The following ITGAE variants were observed in gnomAD, a reference collection of about 807,000 sequenced individuals.
The protein encoded by ITGAE is integrin alpha-E.
In ITGAE, 99 loss-of-function variants were observed where a neutral mutation model predicts 136.5. That is an observed-to-expected ratio of 0.73 (90% CI 0.62 to 0.86). The LOEUF is 0.86. Ranked by LOEUF, ITGAE falls within the 40% of genes least tolerant of loss-of-function variation. The pLI is 0.00. For missense variants in ITGAE, 1,447 were observed against 1,515.3 expected, an observed-to-expected ratio of 0.95 and a Z score of 0.75; for synonymous variants, 613 against 591.8, an observed-to-expected ratio of 1.04 and a Z score of -0.52.
intron 21 of ITGAE, among the ~76,000 whole-genome samples, chr17:3,733,531 G>A (rs183828863): frequency 1.3e-5 from 2 of 151,776 alleles, no homozygotes; most frequent in Non-Finnish European, 2.9e-5. Context: ...AGTGATTCTC[G>A]TGCCTCAGCC....
chr17:3,789,578 G>A (rs1428868262), intron 1 of ITGAE, among the ~76,000 whole-genome samples: 2 of 150,658 alleles, frequency 1.3e-5, no homozygotes, highest in African/African-American at 2.4e-5. Flanking sequence ...TCGGCTCACT[G>A]CAACCTCTGC....
intron 21 of ITGAE, 94 bp downstream of exon 21, chr17:3,734,723 C>T: frequency 6.7e-7 from 1 of 1,484,154 alleles, no homozygotes; most frequent in Non-Finnish European, 9.3e-7. Context: ...AGGCTGGAGG[C>T]AGGGGTGCCA....
intron 22 of ITGAE, among the ~76,000 whole-genome samples, chr17:3,731,637 T>C (rs2915552): frequency 0.63 from 96,096 of 151,454 alleles, 31,426 homozygotes; most frequent in Admixed American, 0.77. Flanking sequence ...CCACCGCGCC[T>C]GGCCCCGTTA....
chr17:3,759,391 C>T lies in ITGAE; in HGVS notation c.866+11G>A, dbSNP rs372099127. The stretch of plus-strand genomic sequence containing the variant: ...CATGGCCAGAATAATTCCTGCAGCC[C>T]CCACACTCACAAGACGTGTTGCATG... On this transcript the variant is annotated intron_variant, in intron 8 of 30. Transcript: ENST00000263087. The T allele has an allele frequency of 1.7e-5, 28 of 1,610,444 alleles. No homozygotes were observed. In the African/African-American group the frequency reaches 2.9e-4, roughly 17 times the overall value.
chr17:3,777,054 G>A (rs993159826), intron 2 of ITGAE, among the ~76,000 whole-genome samples: 5 of 150,602 alleles, frequency 3.3e-5, no homozygotes, highest in African/African-American at 4.9e-5. Flanking sequence ...TCCGCCTCCC[G>A]GGTTCACGCC....
intron 19 of ITGAE, among the ~76,000 whole-genome samples, chr17:3,740,849 C>T (rs1393134224): frequency 1.3e-5 from 2 of 152,156 alleles, no homozygotes; most frequent in East Asian, 3.9e-4. Flanking sequence ...GGAAGGCAGC[C>T]AGCTCCTCGG....
rs988477887 is a variant in ITGAE, at chr17:3,786,215, C to T, written c.35-8555G>A. Among the ~76,000 whole-genome samples the T allele has an allele frequency of 2.6e-5, 4 of 151,072 alleles. No individual in the cohort carries two copies. The East Asian group carries it at 5.8e-4, about 22-fold the overall frequency. ...AGAGGATGTTATATCCAACCTTATG[C>T]CAGTAAACTTGACAATCTGGGTGAA... On this transcript the variant is annotated intron_variant, in intron 1 of 30. Coordinates refer to ENST00000263087, the MANE Select transcript of ITGAE (RefSeq NM_002208.5).
chr17:3,760,887 T>C (rs1170003060), intron 6 of ITGAE, 126 bp downstream of exon 6: 1 of 1,373,922 alleles, frequency 7.3e-7, no homozygotes, highest in Admixed American at 2.7e-5. Flanking sequence ...CTGGTACAGG[T>C]CAGGTCTGTA....
intron 14 of ITGAE, among the ~76,000 whole-genome samples, chr17:3,752,776 G>A (rs917186181): frequency 2.0e-5 from 3 of 151,564 alleles, no homozygotes; most frequent in East Asian, 1.9e-4. Context: ...AATGCTGGGC[G>A]AGGTGGCTTA....
chr17:3,723,760 T>G lies in ITGAE; in HGVS notation c.3085-16A>C. On this transcript the variant is annotated splice_polypyrimidine_tract_variant and intron_variant, in intron 26 of 30. Transcript: ENST00000263087. Reference sequence around the variant, plus strand: ...CCGTGGAGGCCTGAAACGAGAGCCATGACCGCGACGCGCTGAACAAACCAA... The same window carrying G: ...CCGTGGAGGCCTGAAACGAGAGCCAGGACCGCGACGCGCTGAACAAACCAA... 1 of 1,606,290 alleles carries G rather than the reference T, an allele frequency of 6.2e-7. No homozygotes were observed. The highest frequency in any genetic ancestry group is 8.5e-7 in the Non-Finnish European group (1 of 1,176,802).
rs555896879 is a variant in ITGAE, at chr17:3,740,480, G to A, written c.2449-602C>T. Among the ~76,000 whole-genome samples, 80 of 152,258 alleles carry A rather than the reference G, an allele frequency of 5.3e-4. 1 individual carries two copies. The South Asian group carries it at 0.013, about 26-fold the overall frequency. ...CCATCTCTGCCTCCCGGATTCAAGC[G>A]ATTCTCCTGCCTCAGCCTCCCAAGT... On this transcript the variant is annotated intron_variant, in intron 19 of 30. Coordinates refer to ENST00000263087, the MANE Select transcript of ITGAE (RefSeq NM_002208.5).
intron 2 of ITGAE, among the ~76,000 whole-genome samples, chr17:3,769,891 C>G (rs547641836): frequency 6.6e-6 from 1 of 152,186 alleles, no homozygotes; most frequent in South Asian, 2.1e-4. Context: ...TGGGGTTTCA[C>G]CATGTTGGCC....
rs1567559717 is a variant in ITGAE, at chr17:3,788,793, A to AATTATTAAAATAATTATTTAAAAATAATT, written c.35-11134_35-11133insAATTATTTTTAAATAATTATTTTAATAAT. Among the ~76,000 whole-genome samples, 15 of 144,724 alleles carry AATTATTAAAATAATTATTTAAAAATAATT rather than the reference A, an allele frequency of 1.0e-4. No individual in the cohort carries two copies. In the East Asian group the frequency reaches 2.3e-3, roughly 22 times the overall value. 94.9% of individuals were successfully genotyped at this position (144,724 alleles called of 152,430 possible). A position where few individuals can be genotyped will look rare whatever the true frequency, so the allele number is the denominator to read the frequency against. On this transcript the variant is annotated intron_variant, in intron 1 of 30. Transcript: ENST00000263087. ...ATTAAAATAATTATTTAAAAATAAT[A>AATTATTAAAATAATTATTTAAAAATAATT]ATTATTAAAATAATTATTTAAAAAT...
intron 28 of ITGAE, 143 bp downstream of exon 28, chr17:3,723,145 G>T: frequency 1.6e-6 from 1 of 627,568 alleles, no homozygotes; most frequent in Non-Finnish European, 2.9e-6. Flanking sequence ...CTAAGGAACG[G>T]GTTGGGACAG....
chr17:3,742,488 T>A (rs1293334190), intron 19 of ITGAE, among the ~76,000 whole-genome samples: 1 of 149,274 alleles, frequency 6.7e-6, no homozygotes, highest in Non-Finnish European at 1.5e-5. Context: ...GGAGTCTTTC[T>A]CTGTCACTCA....
chr17:3,729,663 C>T, intron 23 of ITGAE, 108 bp from the exon 24 acceptor site: 1 of 765,972 alleles, frequency 1.3e-6, no homozygotes, highest in South Asian at 1.4e-5. Flanking sequence ...GTTGCCGTCT[C>T]AGCTCACTGC....
rs552264617 is a variant in ITGAE, at chr17:3,797,329, C to T, written c.34+3782G>A. Reference sequence around the variant, plus strand: ...TACAGGCACCCGCCACCATGCCCAGCTAATTTTTTGTGTTTTTAGTAGAGA... The same window carrying T: ...TACAGGCACCCGCCACCATGCCCAGTTAATTTTTTGTGTTTTTAGTAGAGA... On this transcript the variant is annotated intron_variant, in intron 1 of 30. Coordinates refer to ENST00000263087, the MANE Select transcript of ITGAE (RefSeq NM_002208.5). Among the ~76,000 whole-genome samples the T allele has an allele frequency of 2.1e-4, 31 of 151,108 alleles. 1 individual carries two copies. The highest frequency in any genetic ancestry group is 6.8e-3 in the Middle Eastern group (2 of 292).
chr17:3,738,360 G>A (rs978023013), intron 20 of ITGAE, among the ~76,000 whole-genome samples: 10 of 152,068 alleles, frequency 6.6e-5, no homozygotes, highest in African/African-American at 2.2e-4. Flanking sequence ...TAGTAGAGAC[G>A]GGGTTTTACC....
chr17:3,797,366 T>C (rs188285041), intron 1 of ITGAE, among the ~76,000 whole-genome samples: 3,557 of 151,032 alleles, frequency 0.024, 52 homozygotes, highest in South Asian at 0.063. Flanking sequence ...GGAGTTTCAC[T>C]GTGTTAGCCA....
Sources: allele counts gnomAD v4.1 joint callset (sites outside exome capture counted in the v4.1 genomes callset), GRCh38; gene constraint gnomAD v4.1.1; transcripts MANE v1.5; gene names NCBI Gene and HGNC (gene_info 2026-07-23, HGNC 2026-07-21).